The following GRIK3 variants were observed in gnomAD, a reference collection of about 807,000 sequenced individuals.
GRIK3 encodes glutamate ionotropic receptor kainate type subunit 3.
In GRIK3, 29 loss-of-function variants were observed where a neutral mutation model predicts 102.5. That is an observed-to-expected ratio of 0.28 (90% CI 0.21 to 0.39). The LOEUF (loss-of-function observed/expected upper bound fraction) is 0.39, where lower values mean the gene tolerates loss of function less well. Among genes scored for constraint, GRIK3 ranks in the 10% least tolerant of loss-of-function variants. The pLI is 1.00. For synonymous variants in GRIK3, 511 were observed against 504.9 expected, an observed-to-expected ratio of 1.01 and a Z score of -0.16; for missense variants, 908 against 1,252.4, an observed-to-expected ratio of 0.73 and a Z score of 4.15.
chr1:36,935,764 G>A lies in GRIK3; in HGVS notation c.116-44668C>T, dbSNP rs113806994. Among the ~76,000 whole-genome samples the A allele has an allele frequency of 8.6e-3, 1,310 of 152,284 alleles. 15 individuals carry two copies. Among genetic ancestry groups the A allele is most frequent in the Non-Finnish European group, 0.012 (814 of 68,028 alleles). ...AACTGCGAGTCAGGAAATAAAGTAG[G>A]TGAATTATTAGTTTGGCAACTCAAA... On this transcript the variant is annotated intron_variant, in intron 1 of 15. Transcript: ENST00000373091.
intron 1 of GRIK3, among the ~76,000 whole-genome samples, chr1:36,913,169 C>T (rs537835792): frequency 3.3e-5 from 5 of 152,266 alleles, no homozygotes; most frequent in South Asian, 2.1e-4. Context: ...TGGATGGGGG[C>T]GTGTCCCACC....
chr1:36,958,116 C>CTG (rs1641946308), intron 1 of GRIK3, among the ~76,000 whole-genome samples: 1 of 79,004 alleles, frequency 1.3e-5, no homozygotes, highest in African/African-American at 6.2e-5. Flanking sequence ...CCCCGTGAGT[C>CTG]TGTGTCCCAT....
chr1:36,994,299 A>G (rs1204547614), intron 1 of GRIK3, among the ~76,000 whole-genome samples: 2 of 152,250 alleles, frequency 1.3e-5, no homozygotes, highest in Admixed American at 1.3e-4. Flanking sequence ...AAACTCTTCT[A>G]AAGAGCTTCA....
At chr1:36,853,333 C>T (rs546008510) in intron 8 of GRIK3, among the ~76,000 whole-genome samples, 2 of 152,310 alleles carry the variant, frequency 1.3e-5, no homozygotes, top group Non-Finnish European at 2.9e-5. Context: ...CTTTGTTATG[C>T]TTCCGAGGTT....
intron 1 of GRIK3, among the ~76,000 whole-genome samples, chr1:36,944,601 C>G (rs1462157255): frequency 1.3e-5 from 2 of 152,116 alleles, no homozygotes; most frequent in African/African-American, 2.4e-5. Flanking sequence ...GCCTTGGAGA[C>G]TTGGGGTAAG....
Position 36,841,780 on chromosome 1 carries a change from C to A in GRIK3, c.1486G>T (p.Asp496Tyr), listed in dbSNP as rs1376695863. 6.2e-7 allele frequency: 1 copy of A among 1,614,220 alleles called. No homozygotes were observed. Among genetic ancestry groups the A allele is most frequent in the Non-Finnish European group, 8.5e-7 (1 of 1,180,026 alleles). The change falls in exon 10 of 16, where the codon GAC (aspartate) becomes TAC (tyrosine). Residue 496 changes from aspartate (D) to tyrosine (Y), a missense_variant. By Grantham distance (160) the Asp-to-Tyr change is radical (BLOSUM62 -3). This residue lies in a region of GRIK3 where 585 missense variants were observed against 824.9 expected (regional missense o/e 0.71). Coordinates refer to ENST00000373091, the MANE Select transcript of GRIK3 (RefSeq NM_000831.4). The stretch of plus-strand genomic sequence containing the variant: ...ACCATGCCGTTCCACTGGCCCTTGT[C>A]ATCCTGTGCCCCGTACTTGCCGTCC... ...VEDGKYGAQD[D>Y]KGQWNGMVKE...
intron 2 of GRIK3, among the ~76,000 whole-genome samples, chr1:36,882,635 A>G (rs575774033): frequency 6.6e-6 from 1 of 152,210 alleles, no homozygotes; most frequent in African/African-American, 2.4e-5. Flanking sequence ...AGTTTAGAGG[A>G]CATTTGTGGG....
At position 36,801,410 on chromosome 1, in the gene GRIK3, T is replaced by C. The variant is rs561012356; in HGVS notation, c.*441A>G. 8 of 157,258 alleles carry C rather than the reference T, an allele frequency of 5.1e-5. No homozygotes were observed. The highest frequency in any genetic ancestry group is 1.9e-4 in the African/African-American group (8 of 41,636). The allele number at this position is 157,258 out of a possible 1,614,324, so 9.7% of individuals were successfully genotyped here. On this transcript the variant is annotated 3_prime_UTR_variant, in exon 16 of 16. Coordinates refer to ENST00000373091, the MANE Select transcript of GRIK3 (RefSeq NM_000831.4). The stretch of plus-strand genomic sequence containing the variant: ...TCCCATTGGCAGCCATGCTAGAACA[T>C]CCTTAAGGCGCCGAAGGCTTGTGTC...
Position 36,850,353 on chromosome 1 carries a change from G to A in GRIK3, c.1284C>T (p.Thr428=), listed in dbSNP as rs761206531. ...TGAGTGATCTGTTTGTCAGAGAGTCGGTGACATTAGGGCCTCGGCCTTTGG... is the reference window on the plus strand; with the variant it reads ...TGAGTGATCTGTTTGTCAGAGAGTCAGTGACATTAGGGCCTCGGCCTTTGG... The part of the protein sequence containing the change: ...EVAKGRGPNV[T]DSLTNRSLIV... The change falls in exon 9 of 16, where the codon ACC becomes ACT. Residue 428 remains threonine, a synonymous_variant. Coordinates refer to ENST00000373091, the MANE Select transcript of GRIK3 (RefSeq NM_000831.4). This position sits in a 1 kb window ranked among gnomAD's most constrained non-coding sequence, Gnocchi z 4.0. 4.3e-6 allele frequency: 7 copies of A among 1,613,342 alleles called. No homozygotes were observed. Among genetic ancestry groups the A allele is most frequent in the Admixed American group, 1.7e-5 (1 of 60,028 alleles).
intron 10 of GRIK3, among the ~76,000 whole-genome samples, chr1:36,831,484 G>T (rs1288434341): frequency 6.6e-6 from 1 of 152,192 alleles, no homozygotes; most frequent in African/African-American, 2.4e-5. Flanking sequence ...TTCACCTTCT[G>T]CTCTTTCCCC....
chr1:36,811,400 T>C (rs1443613374), intron 13 of GRIK3, among the ~76,000 whole-genome samples: 1 of 152,142 alleles, frequency 6.6e-6, no homozygotes, highest in Non-Finnish European at 1.5e-5. Context: ...CTGCTGAGAA[T>C]TGCTGCAATT....
At chr1:36,904,698 A>T (rs1339542934) in intron 1 of GRIK3, among the ~76,000 whole-genome samples, 1 of 152,190 alleles carries the variant, frequency 6.6e-6, no homozygotes, top group African/African-American at 2.4e-5. Flanking sequence ...AAAGCATAGG[A>T]TGATACGGTA....
chr1:36,897,003 T>C (rs1641179906), intron 1 of GRIK3, among the ~76,000 whole-genome samples: 1 of 152,134 alleles, frequency 6.6e-6, no homozygotes, highest in Non-Finnish European at 1.5e-5. Context: ...TATCTCAACA[T>C]AATAAAAGCC....
chr1:36,959,358 CT>C (rs1641970919), intron 1 of GRIK3, among the ~76,000 whole-genome samples: 2 of 128,332 alleles, frequency 1.6e-5, no homozygotes, highest in African/African-American at 5.5e-5. Flanking sequence ...TCCCGTGAGC[CT>C]GTGTGCCCTG....
rs116496617 is a variant in GRIK3 at position 36,907,497 on chromosome 1, C to A, written c.116-16401G>T. 5.2e-3 allele frequency among the ~76,000 whole-genome samples: 796 copies of A among 152,258 alleles called. 10 individuals carry two copies. The highest frequency in any genetic ancestry group is 0.017 in the Middle Eastern group (5 of 294). On this transcript the variant is annotated intron_variant, in intron 1 of 15. Transcript: ENST00000373091. Reference sequence around the variant, plus strand: ...AGAAAAGTCAGCTACAGAATACTGACACCAGCTCCTGCTGTTTGGAGGAAG... The same window carrying A: ...AGAAAAGTCAGCTACAGAATACTGAAACCAGCTCCTGCTGTTTGGAGGAAG...
intron 1 of GRIK3, among the ~76,000 whole-genome samples, chr1:36,960,878 TGGGG>T (rs1378561785): frequency 3.9e-5 from 6 of 152,126 alleles, no homozygotes; most frequent in Admixed American, 6.5e-5. Context: ...TAGGACAAGC[TGGGG>T]AGATGGGGTG....
At position 36,933,706 on chromosome 1, in the gene GRIK3, C is replaced by G. The variant is rs543418864; in HGVS notation, c.116-42610G>C. ...TCTTACACACTTTTTTCCAACATTACTTCCAAGTTCAAGGACAGCAGCAAG... is the reference window on the plus strand; with the variant it reads ...TCTTACACACTTTTTTCCAACATTAGTTCCAAGTTCAAGGACAGCAGCAAG... On this transcript the variant is annotated intron_variant, in intron 1 of 15. Transcript: ENST00000373091. Among the ~76,000 whole-genome samples, 6 of 152,330 alleles carry G rather than the reference C, an allele frequency of 3.9e-5. No individual in the cohort carries two copies. In the South Asian group the frequency reaches 1.2e-3, roughly 32 times the overall value.
chr1:36,879,425 C>G (rs995637507), intron 3 of GRIK3, among the ~76,000 whole-genome samples: 2 of 152,176 alleles, frequency 1.3e-5, no homozygotes, highest in South Asian at 2.1e-4. Context: ...TCCCAGAGGT[C>G]GAGGTGATAG....
chr1:36,813,953 A>G (rs534627389), intron 13 of GRIK3, among the ~76,000 whole-genome samples: 1 of 152,210 alleles, frequency 6.6e-6, no homozygotes, highest in East Asian at 1.9e-4. Context: ...CCATAGGGAC[A>G]GGAAGAAAGT....
Sources: allele counts gnomAD v4.1 joint callset (sites outside exome capture counted in the v4.1 genomes callset), GRCh38; gene constraint gnomAD v4.1.1; regional missense constraint gnomAD v4.1.1; non-coding constraint Gnocchi (gnomAD v3.1); transcripts MANE v1.5; gene names NCBI Gene and HGNC (gene_info 2026-07-23, HGNC 2026-07-21).